HYCC1: variants seen among roughly 807,000 people sequenced by gnomAD.
HYCC1 encodes hyccin.
the HYCC1 span, chr7:22,978,545 A>T: frequency 2.9e-6 from 3 of 1,031,986 alleles, no homozygotes; most frequent in Non-Finnish European, 4.4e-6. Context: ...GGTAAAAATC[A>T]TATCTTTTTA....
At chr7:23,014,098 G>T in the HYCC1 span, 6 of 469,822 alleles carry the variant, frequency 1.3e-5, no homozygotes, top group Non-Finnish European at 2.6e-5. Flanking sequence ...TGACAACCCA[G>T]CCGGGAGAGC....
At chr7:22,980,774 A>T in the HYCC1 span, among the ~76,000 whole-genome samples, 28 of 152,144 alleles carry the variant, frequency 1.8e-4, no homozygotes, top group African/African-American at 6.5e-4. Flanking sequence ...CCCGACTCCT[A>T]GAACTCCAAG....
chr7:23,000,183 C>T, the HYCC1 span, among the ~76,000 whole-genome samples: 1 of 152,104 alleles, frequency 6.6e-6, no homozygotes, highest in Non-Finnish European at 1.5e-5. Context: ...GCTGCTATCC[C>T]ACTCTTCAAA....
the HYCC1 span, among the ~76,000 whole-genome samples, chr7:22,997,598 T>C: frequency 6.6e-6 from 1 of 152,122 alleles, no homozygotes; most frequent in African/African-American, 2.4e-5. Context: ...TTAATTTAAT[T>C]TTAGGATTTT....
chr7:23,013,790 T>C, the HYCC1 span: 1 of 372,584 alleles, frequency 2.7e-6, no homozygotes. Flanking sequence ...TTACCCCCAG[T>C]GGAGCCGCGG....
chr7:22,977,347 G>C, the HYCC1 span: 1 of 1,567,258 alleles, frequency 6.4e-7, no homozygotes, highest in Non-Finnish European at 8.8e-7. Context: ...TTACTTCATG[G>C]TATACAGATG....
the HYCC1 span, among the ~76,000 whole-genome samples, chr7:22,927,964 A>G: frequency 5.9e-5 from 9 of 152,220 alleles, no homozygotes; most frequent in Admixed American, 2.6e-4. Context: ...GAATCCAGCA[A>G]CACATCAAAA....
the HYCC1 span, among the ~76,000 whole-genome samples, chr7:22,922,632 A>AT: frequency 1.3e-5 from 2 of 152,260 alleles, no homozygotes; most frequent in Non-Finnish European, 2.9e-5. Context: ...TTGAACCATT[A>AT]TAAGTCAGGG....
the HYCC1 span, chr7:22,961,393 ATCTT>A: frequency 3.5e-6 from 3 of 857,272 alleles, no homozygotes; most frequent in Non-Finnish European, 5.7e-6. Flanking sequence ...ATGAGAAACT[ATCTT>A]TACTGAAGAA....
the HYCC1 span, among the ~76,000 whole-genome samples, chr7:22,969,735 G>T: frequency 5.3e-5 from 8 of 152,076 alleles, no homozygotes; most frequent in African/African-American, 4.8e-5. Context: ...TGTTGGCCAG[G>T]CTGGTCTCAA....
At chr7:22,973,773 G>C in the HYCC1 span, among the ~76,000 whole-genome samples, 2 of 151,962 alleles carry the variant, frequency 1.3e-5, no homozygotes, top group Admixed American at 1.3e-4. Flanking sequence ...CAGTTCCCTG[G>C]TCAGGTAAAA....
chr7:22,899,921 ATC>A, the HYCC1 span, among the ~76,000 whole-genome samples: 809 of 152,166 alleles, frequency 5.3e-3, 12 homozygotes, highest in African/African-American at 0.019. Flanking sequence ...AGAAATTCTG[ATC>A]TGTTAGAATA....
At chr7:23,008,768 C>A in the HYCC1 span, among the ~76,000 whole-genome samples, 7 of 152,082 alleles carry the variant, frequency 4.6e-5, no homozygotes, top group African/African-American at 1.7e-4. Flanking sequence ...GTATTTAAAA[C>A]CTCTGAAGAC....
chr7:22,926,587 G>C, the HYCC1 span, among the ~76,000 whole-genome samples: 9 of 152,184 alleles, frequency 5.9e-5, no homozygotes, highest in African/African-American at 2.2e-4. Flanking sequence ...AAACAAAGAA[G>C]GCCATTACAT....
At chr7:22,919,869 GA>G in the HYCC1 span, among the ~76,000 whole-genome samples, 1 of 151,162 alleles carries the variant, frequency 6.6e-6, no homozygotes, top group Non-Finnish European at 1.5e-5. Flanking sequence ...GGAAAAAGAA[GA>G]AAACAGAAAA....
the HYCC1 span, among the ~76,000 whole-genome samples, chr7:22,899,938 T>C: frequency 6.6e-6 from 1 of 152,172 alleles, no homozygotes; most frequent in Non-Finnish European, 1.5e-5. Context: ...AGAATAAAAT[T>C]GAACTGATTC....
the HYCC1 span, among the ~76,000 whole-genome samples, chr7:22,956,982 C>T: frequency 3.3e-5 from 5 of 151,518 alleles, no homozygotes; most frequent in African/African-American, 1.2e-4. Flanking sequence ...TAATTCTTAA[C>T]CTTAAGAAAA....
chr7:22,961,224 C>T, the HYCC1 span: 32 of 1,544,274 alleles, frequency 2.1e-5, no homozygotes, highest in Non-Finnish European at 2.9e-5. Context: ...ATAAATAAGT[C>T]AGGCACCTAC....
the HYCC1 span, among the ~76,000 whole-genome samples, chr7:23,004,142 C>T: frequency 1.3e-5 from 2 of 152,072 alleles, no homozygotes; most frequent in Non-Finnish European, 2.9e-5. Flanking sequence ...CAGAATGTAA[C>T]CTAGACGTTG....
Sources: gnomAD v4.1 joint callset for allele counts (sites outside exome capture counted in the v4.1 genomes callset) on GRCh38, gnomAD v4.1.1 for gene constraint, MANE v1.5 for transcripts, NCBI Gene and HGNC (gene_info 2026-07-23, HGNC 2026-07-21) for gene names.